The following ASCC1 variants were observed in gnomAD, a reference collection of about 807,000 sequenced individuals.
ASCC1 encodes the protein ASC-1 complex subunit P50.
In ASCC1, 35 loss-of-function variants were observed where a neutral mutation model predicts 46.6. That is an observed-to-expected ratio of 0.75 (90% CI 0.57 to 0.99). The LOEUF is 0.99. Ranked by LOEUF, ASCC1 falls within the 50% of genes least tolerant of loss-of-function variation. ASCC1 has a pLI of 0.00. For synonymous variants in ASCC1, 143 were observed against 146.6 expected (o/e 0.98, Z 0.18); for missense variants, 376 against 428.7 (o/e 0.88, Z 1.09).
chr10:72,147,444 G>A (rs773867005), intron 7 of ASCC1, among the ~76,000 whole-genome samples: 16 of 151,984 alleles, frequency 1.1e-4, no homozygotes, highest in Non-Finnish European at 2.1e-4. Flanking sequence ...GTAGAGACAA[G>A]GTTTCGCCAT....
chr10:72,155,235 CT>C (rs1848818820), intron 6 of ASCC1, among the ~76,000 whole-genome samples: 1 of 152,156 alleles, frequency 6.6e-6, no homozygotes, highest in Non-Finnish European at 1.5e-5. Flanking sequence ...TCCTTTGCAA[CT>C]TTTTGAACTA....
At chr10:72,110,887 G>C (rs569375657) in intron 9 of ASCC1, among the ~76,000 whole-genome samples, 19 of 152,324 alleles carry the variant, frequency 1.2e-4, no homozygotes, top group African/African-American at 4.3e-4. Flanking sequence ...CCTTGGATTG[G>C]CTCCCTGGAA....
At position 72,198,727 on chromosome 10, in the gene ASCC1, C is replaced by T. The variant is rs111518901; in HGVS notation, c.311-1738G>A. The T allele has an allele frequency of 7.0e-5, 32 of 455,412 alleles. 2 individuals carry two copies. Among genetic ancestry groups the T allele is most frequent in the African/African-American group, 2.2e-4 (11 of 50,112 alleles). 28.2% of individuals were successfully genotyped at this position (455,412 alleles called of 1,614,324 possible). A position where few individuals can be genotyped will look rare whatever the true frequency, so the allele number is the denominator to read the frequency against. On this transcript the variant is annotated intron_variant, in intron 4 of 9. Transcript: ENST00000672957. ...AGCAAATATCACACGAATGCAACTGCAGACTTGACTTCACATCACAATTCA... is the reference window on the plus strand; with the variant it reads ...AGCAAATATCACACGAATGCAACTGTAGACTTGACTTCACATCACAATTCA...
intron 9 of ASCC1, among the ~76,000 whole-genome samples, chr10:72,097,830 T>C (rs900307337): frequency 1.3e-5 from 2 of 152,238 alleles, no homozygotes; most frequent in African/African-American, 4.8e-5. Flanking sequence ...TGACTGACCA[T>C]GCAGGGATCT....
At chr10:72,208,118 C>T (rs1464221490) in intron 3 of ASCC1, among the ~76,000 whole-genome samples, 1 of 152,084 alleles carries the variant, frequency 6.6e-6, no homozygotes, top group Non-Finnish European at 1.5e-5. Flanking sequence ...GTATGAGCCA[C>T]CACACCCAGC....
intron 7 of ASCC1, among the ~76,000 whole-genome samples, chr10:72,137,034 A>G (rs533399859): frequency 2.6e-5 from 4 of 152,018 alleles, no homozygotes; most frequent in Non-Finnish European, 5.9e-5. Flanking sequence ...CCAAGAACCC[A>G]CCGGAAGGAA....
chr10:72,176,780 C>A (rs1157594869), intron 5 of ASCC1, among the ~76,000 whole-genome samples: 1 of 145,104 alleles, frequency 6.9e-6, no homozygotes, highest in African/African-American at 2.9e-5. Context: ...TTCTAAGTAC[C>A]AGCCTTAACA....
In ASCC1 at chr10:72,137,467, G is replaced by A. The variant is rs540207284; in HGVS notation, c.747-4286C>T. Reference sequence around the variant, plus strand: ...AGCTTGAACACGTGAGGCGGAGGTCGCAGTGAGCCAAGATTGCGCCATTGC... The same window carrying A: ...AGCTTGAACACGTGAGGCGGAGGTCACAGTGAGCCAAGATTGCGCCATTGC... On this transcript the variant is annotated intron_variant, in intron 7 of 9. Coordinates refer to ENST00000672957, the MANE Select transcript of ASCC1 (RefSeq NM_001198800.3). Among the ~76,000 whole-genome samples the A allele has an allele frequency of 6.2e-5, 9 of 144,800 alleles. No individual in the cohort carries two copies. The South Asian group carries it at 1.5e-3, about 25-fold the overall frequency. 95.0% of individuals were successfully genotyped at this position (144,800 alleles called of 152,430 possible). A position where few individuals can be genotyped will look rare whatever the true frequency, so the allele number is the denominator to read the frequency against.
chr10:72,187,588 C>T (rs1357295013), intron 5 of ASCC1, among the ~76,000 whole-genome samples: 4 of 151,944 alleles, frequency 2.6e-5, no homozygotes, highest in African/African-American at 7.3e-5. Context: ...GGCACAGTGG[C>T]GAGCGCCTGT....
At chr10:72,188,952 C>T (rs943517801) in intron 5 of ASCC1, among the ~76,000 whole-genome samples, 1 of 151,994 alleles carries the variant, frequency 6.6e-6, no homozygotes, top group Non-Finnish European at 1.5e-5. Context: ...GACAGGGTCT[C>T]CCTAAATTGC....
intron 5 of ASCC1, among the ~76,000 whole-genome samples, chr10:72,194,900 G>A (rs1220542704): frequency 2.0e-5 from 3 of 151,762 alleles, no homozygotes; most frequent in African/African-American, 7.3e-5. Context: ...GCGCCACCAG[G>A]CCCGGATAAT....
intron 9 of ASCC1, among the ~76,000 whole-genome samples, chr10:72,118,284 G>A (rs544437248): frequency 2.4e-3 from 361 of 150,794 alleles, no homozygotes; most frequent in African/African-American, 8.1e-3. Flanking sequence ...GGAGAATGGC[G>A]TGAACCCGGG....
chr10:72,199,547 C>T (rs1415196834), intron 4 of ASCC1, among the ~76,000 whole-genome samples: 1 of 151,962 alleles, frequency 6.6e-6, no homozygotes, highest in Non-Finnish European at 1.5e-5. Flanking sequence ...GTGCCCTCCT[C>T]GGCCTCCCAA....
rs573039749 is a variant in ASCC1 at position 72,160,210 on chromosome 10, T to C, written c.626+1328A>G. Among the ~76,000 whole-genome samples the C allele has an allele frequency of 2.7e-3, 411 of 152,262 alleles. 1 individual carries two copies. The highest frequency in any genetic ancestry group is 0.017 in the South Asian group (83 of 4,822). On this transcript the variant is annotated intron_variant, in intron 6 of 9. Coordinates refer to ENST00000672957, the MANE Select transcript of ASCC1 (RefSeq NM_001198800.3). The stretch of plus-strand genomic sequence containing the variant: ...TGAGCCACTGTTCTTGGCTAAACAG[T>C]TTCATATACAACATAACTAGAGAAA...
chr10:72,162,468 G>A (rs913387167), intron 5 of ASCC1, among the ~76,000 whole-genome samples: 1 of 151,852 alleles, frequency 6.6e-6, no homozygotes, highest in Non-Finnish European at 1.5e-5. Flanking sequence ...ACCGCGCCTG[G>A]CCCAATTTTT....
intron 7 of ASCC1, among the ~76,000 whole-genome samples, chr10:72,141,062 T>TAGAC (rs1168739026): frequency 1.3e-5 from 2 of 150,718 alleles, no homozygotes; most frequent in African/African-American, 2.4e-5. Context: ...GATAGATAGA[T>TAGAC]AGATAGATAG....
intron 5 of ASCC1, among the ~76,000 whole-genome samples, chr10:72,171,848 C>G (rs567587674): frequency 2.9e-4 from 44 of 152,320 alleles, no homozygotes; most frequent in African/African-American, 1.0e-3. Context: ...ATTGTTCTGC[C>G]TGTCACATGC....
chr10:72,149,113 T>A (rs961064626), intron 7 of ASCC1, among the ~76,000 whole-genome samples: 15 of 152,018 alleles, frequency 9.9e-5, no homozygotes, highest in Non-Finnish European at 1.8e-4. Flanking sequence ...ATTTGGGGGT[T>A]GGAAAATAGT....
intron 9 of ASCC1, among the ~76,000 whole-genome samples, chr10:72,103,427 C>G (rs1055114141): frequency 6.6e-6 from 1 of 152,078 alleles, no homozygotes; most frequent in Admixed American, 6.5e-5. Context: ...CCACCGCGCC[C>G]GGCCAATAGA....
Sources: gnomAD v4.1 joint callset for allele counts (sites outside exome capture counted in the v4.1 genomes callset) on GRCh38, gnomAD v4.1.1 for gene constraint, MANE v1.5 for transcripts, NCBI Gene and HGNC (gene_info 2026-07-23, HGNC 2026-07-21) for gene names.